Variants in ANTXRL observed in about 807,000 individuals in gnomAD.
ANTXRL encodes anthrax toxin receptor-like.
A neutral mutation model predicts 75.4 loss-of-function variants in ANTXRL; 63 were observed. The observed-to-expected ratio is 0.84, with a 90% confidence interval of 0.68 to 1.03. The LOEUF is 1.03. ANTXRL is among the 50% of genes least tolerant of loss of function. ANTXRL has a pLI of 0.00. For missense variants in ANTXRL, 797 were observed against 789.4 expected (o/e 1.01, Z -0.12); for synonymous variants, 335 against 291.3 (o/e 1.15, Z -1.53).
chr10:46,316,959 G>A (rs1339891709), intron 16 of ANTXRL, among the ~76,000 whole-genome samples: 1 of 152,154 alleles, frequency 6.6e-6, no homozygotes, highest in Non-Finnish European at 1.5e-5. Context: ...GTGGGCATGT[G>A]AGTGCACACT....
intron 16 of ANTXRL, 54 bp from the exon 17 acceptor site, chr10:46,329,545 G>A: frequency 2.0e-6 from 3 of 1,510,716 alleles, no homozygotes; most frequent in East Asian, 4.9e-5. Flanking sequence ...GCAGCCTTCT[G>A]AGCCCAGTTC....
chr10:46,293,970 G>A, intron 3 of ANTXRL, 70 bp downstream of exon 3: 2 of 1,428,186 alleles, frequency 1.4e-6, no homozygotes, highest in Non-Finnish European at 1.9e-6. Context: ...GGGAGCTGAA[G>A]GGCTCCCGGA....
intron 1 of ANTXRL, 66 bp from the exon 2 acceptor site, chr10:46,291,992 G>A (rs1837009500): frequency 1.7e-5 from 25 of 1,428,904 alleles, no homozygotes; most frequent in Admixed American, 3.9e-5. Context: ...GGCTGGGGGC[G>A]GGGCAGACAC....
At chr10:46,319,273 A>G (rs535273401) in intron 16 of ANTXRL, among the ~76,000 whole-genome samples, 1 of 152,332 alleles carries the variant, frequency 6.6e-6, no homozygotes, top group African/African-American at 2.4e-5. Flanking sequence ...GTCACCATCA[A>G]AAATGAGTTA....
intron 1 of ANTXRL, 75 bp downstream of exon 1, chr10:46,287,585 C>A: frequency 1.4e-6 from 2 of 1,460,760 alleles, no homozygotes; most frequent in Non-Finnish European, 1.8e-6. Context: ...GGACAGGACA[C>A]CACTCAAGGA....
chr10:46,329,534 C>T lies in ANTXRL; in HGVS notation c.1411-65C>T, dbSNP rs1342809820. 6.4e-5 allele frequency: 96 copies of T among 1,498,218 alleles called. 2 individuals are homozygous for T. Among genetic ancestry groups the T allele is most frequent in the South Asian group, 1.3e-4 (10 of 76,430 alleles). 92.8% of individuals were successfully genotyped at this position (1,498,218 alleles called of 1,614,324 possible). A position where few individuals can be genotyped will look rare whatever the true frequency, so the allele number is the denominator to read the frequency against. On this transcript the variant is annotated intron_variant, in intron 16 of 16. Coordinates refer to ENST00000620264, the MANE Select transcript of ANTXRL (RefSeq NM_001278688.3). ...GCCCCATCCCTTTGAGCCAGGCAAC[C>T]GCAGCCTTCTGAGCCCAGTTCGAAT... is the stretch of plus-strand genomic sequence containing the variant.
chr10:46,308,998 T>C (rs1332576994), intron 12 of ANTXRL, 115 bp from the exon 13 acceptor site: 2 of 1,428,328 alleles, frequency 1.4e-6, no homozygotes, highest in Admixed American at 4.1e-5. Flanking sequence ...CCCACTGTAG[T>C]ACCCGGATGC....
chr10:46,310,515 G>C lies in ANTXRL; in HGVS notation c.1173+16G>C. ...GCCAGAAAAGGTAAGTTGCAGTTCT[G>C]GTCCCGATATTGTCACATCCCAAGG... On this transcript the variant is annotated intron_variant, in intron 14 of 16. Coordinates refer to ENST00000620264, the MANE Select transcript of ANTXRL (RefSeq NM_001278688.3). 5.9e-6 allele frequency: 9 copies of C among 1,535,990 alleles called. No individual in the cohort carries two copies. The highest frequency in any genetic ancestry group is 7.8e-6 in the Non-Finnish European group (9 of 1,146,524).
At chr10:46,322,776 T>C (rs1282286455) in intron 16 of ANTXRL, among the ~76,000 whole-genome samples, 1 of 152,178 alleles carries the variant, frequency 6.6e-6, no homozygotes, top group East Asian at 1.9e-4. Context: ...CCAAATCAAG[T>C]GCATTGCAGT....
chr10:46,297,763 C>A, intron 7 of ANTXRL, 68 bp from the exon 8 acceptor site: 1 of 1,369,676 alleles, frequency 7.3e-7, no homozygotes, highest in Non-Finnish European at 1.0e-6. Context: ...GACACTGTCT[C>A]CTGGGCCGGG....
chr10:46,293,755 G>A, intron 2 of ANTXRL, 74 bp from the exon 3 acceptor site: 1 of 1,253,230 alleles, frequency 8.0e-7, no homozygotes, highest in Non-Finnish European at 1.1e-6. Context: ...GGTGGGAGGT[G>A]GGGAATTGGC....
At chr10:46,319,619 A>G (rs1339744334) in intron 16 of ANTXRL, among the ~76,000 whole-genome samples, 1 of 152,124 alleles carries the variant, frequency 6.6e-6, no homozygotes, top group Non-Finnish European at 1.5e-5. Flanking sequence ...GCCATAATTC[A>G]CTGTAAAATG....
chr10:46,309,983 G>C (rs1416223193), intron 13 of ANTXRL, among the ~76,000 whole-genome samples: 3 of 152,132 alleles, frequency 2.0e-5, no homozygotes, highest in Non-Finnish European at 4.4e-5. Flanking sequence ...AGCAGAAGGA[G>C]GAGAGCGCAG....
chr10:46,314,444 C>G lies in ANTXRL; in HGVS notation c.1410+1128C>G, dbSNP rs138771519. On this transcript the variant is annotated intron_variant, in intron 16 of 16. Transcript: ENST00000620264. The stretch of plus-strand genomic sequence containing the variant: ...CCTTATGCACTGAACAGGTGAGACA[C>G]TTAGGAGGGATAGAGCTTGACGGCC... 1.2e-4 allele frequency among the ~76,000 whole-genome samples: 19 copies of G among 152,160 alleles called. No individual in the cohort carries two copies. The East Asian group carries it at 3.7e-3, about 29-fold the overall frequency.
At chr10:46,295,957 G>C (rs1837352427) in intron 3 of ANTXRL, 62 bp from the exon 4 acceptor site, 1 of 1,376,290 alleles carries the variant, frequency 7.3e-7, no homozygotes, top group South Asian at 1.2e-5. Context: ...CGGAGAGCTT[G>C]GGAGCTGATT....
intron 16 of ANTXRL, among the ~76,000 whole-genome samples, chr10:46,329,026 G>C (rs1839362453): frequency 6.6e-6 from 1 of 152,196 alleles, no homozygotes; most frequent in Non-Finnish European, 1.5e-5. Flanking sequence ...GACAATCTCT[G>C]TGTGGCTTGC....
intron 1 of ANTXRL, among the ~76,000 whole-genome samples, chr10:46,290,865 A>G (rs1382186686): frequency 6.6e-6 from 1 of 152,054 alleles, no homozygotes. Flanking sequence ...TGAGTTGTAA[A>G]TATTTCCTCC....
intron 12 of ANTXRL, among the ~76,000 whole-genome samples, 190 bp downstream of exon 12, chr10:46,307,670 A>C (rs570120898): frequency 2.4e-4 from 37 of 152,220 alleles, no homozygotes; most frequent in Non-Finnish European, 4.6e-4. Context: ...GTCTGCCAGG[A>C]GCCAGAGTCC....
rs782439425 is a variant in ANTXRL, at chr10:46,329,849, G to A, written c.1661G>A (p.Arg554Lys). The A allele has an allele frequency of 6.5e-7, 1 of 1,535,080 alleles. No homozygotes were observed. The highest frequency in any genetic ancestry group is 8.7e-7 in the Non-Finnish European group (1 of 1,146,288). The stretch of plus-strand genomic sequence containing the variant: ...CGCAAACAGGCTCCCTGCAGCCCAA[G>A]GATCTGCCTGAGACACAGCCCGGAG... The part of the protein sequence containing the change: ...LARKQAPCSP[R>K]ICLRHSPEYF... The change falls in exon 17 of 17, where the codon AGG (arginine) becomes AAG (lysine). Residue 554 changes from arginine to lysine, a missense_variant. Physicochemically the swap from Arg to Lys is conservative, Grantham distance 26 (BLOSUM62 2). Around this residue, in one of 3 missense-constraint regions of ANTXRL, gnomAD observed 479 missense variants for 422.0 expected, o/e 1.14. Transcript: ENST00000620264.
Sources: gnomAD v4.1 joint callset for allele counts (sites outside exome capture counted in the v4.1 genomes callset) on GRCh38, gnomAD v4.1.1 for gene constraint, gnomAD v4.1.1 regional missense constraint, MANE v1.5 for transcripts, NCBI Gene and HGNC (gene_info 2026-07-23, HGNC 2026-07-21) for gene names.